PAK2: variants seen among roughly 807,000 people sequenced by gnomAD.
The protein encoded by PAK2 is p21 (RAC1) activated kinase 2, also known as serine/threonine-protein kinase PAK 2.
PAK2 carries 21 observed loss-of-function variants against 65.9 expected under a neutral mutation model. The observed-to-expected ratio is 0.32, with a 90% CI of 0.23 to 0.46. The LOEUF is 0.46. Among genes scored for constraint, PAK2 ranks in the 20% least tolerant of loss-of-function variants. The pLI is 1.00. For missense variants in PAK2, 324 were observed against 642.6 expected, an observed-to-expected ratio of 0.50 and a Z score of 5.36; for synonymous variants, 204 against 219.7, an observed-to-expected ratio of 0.93 and a Z score of 0.63.
chr3:196,769,587 G>A (rs547692159), intron 1 of PAK2, among the ~76,000 whole-genome samples: 20 of 151,672 alleles, frequency 1.3e-4, no homozygotes, highest in East Asian at 7.8e-4. Context: ...CAAGGCGGGC[G>A]GATCACGAGG....
At chr3:196,766,753 A>G (rs747591161) in intron 1 of PAK2, among the ~76,000 whole-genome samples, 1 of 123,368 alleles carries the variant, frequency 8.1e-6, no homozygotes, top group Non-Finnish European at 1.7e-5. Context: ...CCCCCGACCC[A>G]TGCGGTAACT....
chr3:196,775,539 C>T (rs1206312185), intron 1 of PAK2, among the ~76,000 whole-genome samples: 2 of 152,044 alleles, frequency 1.3e-5, no homozygotes, highest in African/African-American at 4.8e-5. Context: ...CCCACCACCA[C>T]AACCGGCTAA....
At chr3:196,784,456 T>G (rs1210168216) in intron 2 of PAK2, among the ~76,000 whole-genome samples, 2 of 117,146 alleles carry the variant, frequency 1.7e-5, no homozygotes, top group Non-Finnish European at 3.5e-5. Context: ...AATTCCCACC[T>G]ATGAGTGAGA....
intron 1 of PAK2, among the ~76,000 whole-genome samples, chr3:196,758,583 G>T (rs1279643658): frequency 6.6e-6 from 1 of 152,224 alleles, no homozygotes; most frequent in East Asian, 1.9e-4. Flanking sequence ...ACGCACTGTT[G>T]GGCTTTACCT....
At position 196,830,698 on chromosome 3, in the gene PAK2, G is replaced by A. The variant is rs1179740154; in HGVS notation, c.*2293G>A. ...ATTAAAACCTGGCTCTTTGGTTAAG[G>A]GAGCTACGCTGTGGTTTATTCTTAA... On this transcript the variant is annotated 3_prime_UTR_variant, in exon 15 of 15. Coordinates refer to ENST00000327134, the MANE Select transcript of PAK2 (RefSeq NM_002577.4). The A allele has an allele frequency of 6.6e-6, 1 of 152,158 alleles. No homozygotes were observed. The highest frequency in any genetic ancestry group is 6.5e-5 in the Admixed American group (1 of 15,268). 9.4% of individuals were successfully genotyped at this position (152,158 alleles called of 1,614,324 possible). A position where few individuals can be genotyped will look rare whatever the true frequency, so the allele number is the denominator to read the frequency against.
intron 1 of PAK2, among the ~76,000 whole-genome samples, chr3:196,752,975 GAA>G (rs142458693): frequency 6.7e-6 from 1 of 148,460 alleles, no homozygotes; most frequent in African/African-American, 2.5e-5. Flanking sequence ...TGGGTTAAGA[GAA>G]AAAAAAATTT....
intron 11 of PAK2, among the ~76,000 whole-genome samples, chr3:196,817,799 C>G (rs1178145256): frequency 6.6e-6 from 1 of 152,140 alleles, no homozygotes; most frequent in Non-Finnish European, 1.5e-5. Flanking sequence ...AACAATGTCT[C>G]TGAGTAAGAT....
intron 13 of PAK2, among the ~76,000 whole-genome samples, chr3:196,825,089 T>C (rs1711791102): frequency 6.6e-6 from 1 of 152,208 alleles, no homozygotes; most frequent in African/African-American, 2.4e-5. Flanking sequence ...CTCATGCCTG[T>C]AATACCAGCA....
Position 196,829,186 on chromosome 3 carries a change from A to G in PAK2, c.*781A>G, listed in dbSNP as rs879219177. 2.0e-5 allele frequency: 3 copies of G among 152,590 alleles called. No homozygotes were observed. The Admixed American group carries it at 2.0e-4, about 10-fold the overall frequency. 9.5% of individuals were successfully genotyped at this position (152,590 alleles called of 1,614,324 possible). A position where few individuals can be genotyped will look rare whatever the true frequency, so the allele number is the denominator to read the frequency against. ...TCCCATTGACTGTAGACTTCTTCCC[A>G]TTTTGTCTTCCCTTCTGCCTGTTTC... On this transcript the variant is annotated 3_prime_UTR_variant, in exon 15 of 15. Coordinates refer to ENST00000327134, the MANE Select transcript of PAK2 (RefSeq NM_002577.4).
At chr3:196,773,543 T>C (rs564799703) in intron 1 of PAK2, among the ~76,000 whole-genome samples, 2 of 152,206 alleles carry the variant, frequency 1.3e-5, no homozygotes, top group Non-Finnish European at 2.9e-5. Flanking sequence ...TTTTTGTTAA[T>C]ATGGGGTAGT....
At chr3:196,767,917 C>T (rs934856071) in intron 1 of PAK2, among the ~76,000 whole-genome samples, 3 of 152,092 alleles carry the variant, frequency 2.0e-5, no homozygotes, top group African/African-American at 7.3e-5. Context: ...ATGGACTCTG[C>T]TGTTGGTGAC....
At chr3:196,773,334 A>C (rs1303876112) in intron 1 of PAK2, among the ~76,000 whole-genome samples, 2 of 152,132 alleles carry the variant, frequency 1.3e-5, no homozygotes, top group African/African-American at 4.8e-5. Context: ...ACCATGAATT[A>C]TTTTTATACC....
At chr3:196,748,648 A>G (rs747883570) in intron 1 of PAK2, among the ~76,000 whole-genome samples, 4 of 152,110 alleles carry the variant, frequency 2.6e-5, no homozygotes, top group African/African-American at 7.2e-5. Flanking sequence ...GTGTCTTTTC[A>G]TGGCTTGATA....
intron 2 of PAK2, among the ~76,000 whole-genome samples, chr3:196,792,707 A>G (rs1715111802): frequency 6.6e-6 from 1 of 152,206 alleles, no homozygotes; most frequent in East Asian, 1.9e-4. Flanking sequence ...ACTCTTTGAT[A>G]TTAGAAGAAT....
At chr3:196,768,136 A>G (rs1345483891) in intron 1 of PAK2, among the ~76,000 whole-genome samples, 4 of 152,124 alleles carry the variant, frequency 2.6e-5, no homozygotes, top group Non-Finnish European at 5.9e-5. Context: ...AAGTTTTAAA[A>G]TGATAAATCA....
chr3:196,743,244 A>G lies in PAK2; in HGVS notation c.-22+3087A>G, dbSNP rs187309238. On this transcript the variant is annotated intron_variant, in intron 1 of 14. Coordinates refer to ENST00000327134, the MANE Select transcript of PAK2 (RefSeq NM_002577.4). ...AGTCTGAACATTCATTCAGGATTTC[A>G]GTGTTCCAGCCTACTATCTCTGAGT... Among the ~76,000 whole-genome samples, 6 of 152,266 alleles carry G rather than the reference A, an allele frequency of 3.9e-5. No individual in the cohort carries two copies. In the East Asian group the frequency reaches 1.2e-3, roughly 29 times the overall value.
At chr3:196,756,966 T>G (rs531357591) in intron 1 of PAK2, among the ~76,000 whole-genome samples, 1 of 152,340 alleles carries the variant, frequency 6.6e-6, no homozygotes, top group South Asian at 2.1e-4. Context: ...GATGGAACAA[T>G]GGTGAGAGCA....
At chr3:196,811,249 TCCCCTCCC>T (rs1560113688) in intron 8 of PAK2, among the ~76,000 whole-genome samples, 30 of 41,444 alleles carry the variant, frequency 7.2e-4, no homozygotes, top group African/African-American at 8.2e-4. Flanking sequence ...CTTCCCTCCC[TCCCCTCCC>T]TCCCTTCCTT....
intron 2 of PAK2, among the ~76,000 whole-genome samples, chr3:196,793,706 A>G (rs1715151832): frequency 6.6e-6 from 1 of 152,252 alleles, no homozygotes; most frequent in Non-Finnish European, 1.5e-5. Flanking sequence ...AGAGGAATCC[A>G]TGAAACAAGA....
Sources: gnomAD v4.1 joint callset for allele counts (sites outside exome capture counted in the v4.1 genomes callset) on GRCh38, gnomAD v4.1.1 for gene constraint, MANE v1.5 for transcripts, NCBI Gene and HGNC (gene_info 2026-07-23, HGNC 2026-07-21) for gene names.